The following LRRIQ3 variants were observed in gnomAD, a reference collection of about 807,000 sequenced individuals.
LRRIQ3 encodes leucine rich repeats and IQ motif containing 3, also known as leucine-rich repeat and IQ domain-containing protein 3.
LRRIQ3 carries 75 observed loss-of-function variants against 59.3 expected under a neutral mutation model. The observed-to-expected ratio is 1.26, with a 90% CI of 1.05 to 1.53. LRRIQ3 has a LOEUF of 1.53. Ranked by LOEUF, LRRIQ3 falls within the 40% of genes most tolerant of loss-of-function variation. The probability of loss-of-function intolerance (pLI) is 0.00; values close to 1 mark genes in which losing one functional copy is unlikely to be tolerated. For synonymous variants in LRRIQ3, 250 were observed against 231.3 expected, an observed-to-expected ratio of 1.08 and a Z score of -0.73; for missense variants, 831 against 710.0, an observed-to-expected ratio of 1.17 and a Z score of -1.94.
intron 3 of LRRIQ3, among the ~76,000 whole-genome samples, chr1:74,179,116 T>G (rs1489137595): frequency 6.6e-6 from 1 of 152,182 alleles, no homozygotes; most frequent in East Asian, 1.9e-4. Context: ...ATAGCACTGG[T>G]TTCTTGCCCA....
chr1:74,182,367 T>C (rs1462682574), intron 3 of LRRIQ3, 171 bp downstream of exon 3: 2 of 376,504 alleles, frequency 5.3e-6, no homozygotes, highest in Non-Finnish European at 9.1e-6. Context: ...ATGCAAACTT[T>C]TATCAAGTTT....
chr1:74,162,855 G>A (rs919267457), intron 3 of LRRIQ3, among the ~76,000 whole-genome samples: 3 of 151,648 alleles, frequency 2.0e-5, no homozygotes, highest in African/African-American at 7.3e-5. Context: ...TAGAGGGAAA[G>A]AAGAGATAGG....
chr1:74,179,953 G>A (rs920161590), intron 3 of LRRIQ3: 2 of 151,606 alleles, frequency 1.3e-5, no homozygotes, highest in East Asian at 3.9e-4. Flanking sequence ...TATAAATATG[G>A]TAAATTATAT....
chr1:74,093,536 C>A (rs1019582265), intron 5 of LRRIQ3, among the ~76,000 whole-genome samples: 2 of 152,066 alleles, frequency 1.3e-5, no homozygotes, highest in African/African-American at 4.8e-5. Context: ...TGAGTTATAT[C>A]TTGTCTAAGT....
chr1:74,054,446 C>T (rs1045585906), intron 6 of LRRIQ3, among the ~76,000 whole-genome samples: 4 of 151,804 alleles, frequency 2.6e-5, no homozygotes, highest in South Asian at 2.1e-4. Flanking sequence ...TAAATGATAC[C>T]GCGATGTTGG....
chr1:74,124,804 T>G (rs1387599652), intron 4 of LRRIQ3, among the ~76,000 whole-genome samples: 1 of 151,866 alleles, frequency 6.6e-6, no homozygotes, highest in East Asian at 1.9e-4. Flanking sequence ...ATTCCTCCTG[T>G]TTTGTTCTTC....
At chr1:74,123,108 A>G (rs559056453) in intron 4 of LRRIQ3, among the ~76,000 whole-genome samples, 1 of 152,076 alleles carries the variant, frequency 6.6e-6, no homozygotes, top group East Asian at 1.9e-4. Context: ...TTTTTGTTCA[A>G]CTTCTGTGTT....
chr1:74,106,128 T>A (rs539605022), intron 5 of LRRIQ3, among the ~76,000 whole-genome samples: 1 of 152,086 alleles, frequency 6.6e-6, no homozygotes, highest in South Asian at 2.1e-4. Context: ...TTTTCATGCC[T>A]CAAGGAGAAA....
At chr1:74,192,135 G>A (rs1416758241) in intron 1 of LRRIQ3, among the ~76,000 whole-genome samples, 1 of 152,048 alleles carries the variant, frequency 6.6e-6, no homozygotes, top group Non-Finnish European at 1.5e-5. Flanking sequence ...GAAGAGTGGG[G>A]AGGTCTTTCC....
chr1:74,162,296 T>G (rs1384885), intron 3 of LRRIQ3, among the ~76,000 whole-genome samples: 50,437 of 151,592 alleles, frequency 0.33, 10,047 homozygotes, highest in East Asian at 0.76. Flanking sequence ...TAATGTAAAA[T>G]TATGAAATCA....
At chr1:74,133,481 G>T (rs893455779) in intron 4 of LRRIQ3, among the ~76,000 whole-genome samples, 1 of 151,988 alleles carries the variant, frequency 6.6e-6, no homozygotes, top group Non-Finnish European at 1.5e-5. Flanking sequence ...AACAATGATA[G>T]ACTGGATTAA....
chr1:74,069,310 A>C (rs1308472092), intron 6 of LRRIQ3, among the ~76,000 whole-genome samples: 2 of 152,020 alleles, frequency 1.3e-5, no homozygotes, highest in Non-Finnish European at 2.9e-5. Flanking sequence ...ACACACTTTT[A>C]AGGTTTCAAT....
intron 7 of LRRIQ3, among the ~76,000 whole-genome samples, chr1:74,040,888 G>A (rs1053862467): frequency 6.6e-6 from 1 of 152,022 alleles, no homozygotes; most frequent in Non-Finnish European, 1.5e-5. Context: ...AGAGCTAGAG[G>A]CCGGACACGT....
intron 3 of LRRIQ3, among the ~76,000 whole-genome samples, chr1:74,173,520 G>C (rs1189090319): frequency 1.3e-5 from 2 of 151,324 alleles, no homozygotes; most frequent in Non-Finnish European, 2.9e-5. Context: ...ATCTACCATA[G>C]GTTTTTTCTT....
In LRRIQ3 at chr1:74,026,573, T is replaced by C. The variant is rs886626201; in HGVS notation, c.*240A>G. On this transcript the variant is annotated 3_prime_UTR_variant, in exon 8 of 8. Coordinates refer to ENST00000354431, the MANE Select transcript of LRRIQ3 (RefSeq NM_001105659.2). ...CATTGTCTGCAATACATTAAATCAG[T>C]TTAATTGTTCCTTAGGCATCTGATC... is the stretch of plus-strand genomic sequence containing the variant. 1 of 339,046 alleles carries C rather than the reference T, an allele frequency of 2.9e-6. No individual in the cohort carries two copies. The highest frequency in any genetic ancestry group is 5.3e-6 in the Non-Finnish European group (1 of 187,990). 21.0% of individuals were successfully genotyped at this position (339,046 alleles called of 1,614,324 possible).
At chr1:74,190,289 G>A (rs1317242712) in intron 1 of LRRIQ3, among the ~76,000 whole-genome samples, 2 of 152,018 alleles carry the variant, frequency 1.3e-5, no homozygotes, top group Non-Finnish European at 2.9e-5. Flanking sequence ...AGAACAAATG[G>A]ATAATGTAGG....
intron 4 of LRRIQ3, among the ~76,000 whole-genome samples, chr1:74,130,681 C>T (rs554931194): frequency 7.7e-4 from 117 of 152,182 alleles, no homozygotes; most frequent in African/African-American, 2.6e-3. Context: ...TTCTATTCTT[C>T]TACGGTGCGT....
At chr1:74,067,430 C>T (rs1654897740) in intron 6 of LRRIQ3, among the ~76,000 whole-genome samples, 1 of 152,048 alleles carries the variant, frequency 6.6e-6, no homozygotes, top group Non-Finnish European at 1.5e-5. Context: ...TACGGAATTG[C>T]CTACCTCAGA....
chr1:74,183,499 A>T lies in LRRIQ3; in HGVS notation c.186T>A (p.Ile62=). ...AACTTTGAAGTGGATGAATATCTGT[A>T]ATAAAATTGTTTGAGAAGATGCATA... ...LRVCIFSNNF[I]TDIHPLQSCI... Residue 62 remains isoleucine, a synonymous_variant, in exon 2 of 8, where the codon ATT becomes ATA. Transcript: ENST00000354431. 6.2e-7 allele frequency: 1 copy of T among 1,610,700 alleles called. No individual in the cohort carries two copies. Among genetic ancestry groups the T allele is most frequent in the Non-Finnish European group, 8.5e-7 (1 of 1,178,090 alleles).
Sources: allele counts gnomAD v4.1 joint callset (sites outside exome capture counted in the v4.1 genomes callset), GRCh38; gene constraint gnomAD v4.1.1; transcripts MANE v1.5; gene names NCBI Gene and HGNC (gene_info 2026-07-23, HGNC 2026-07-21).